BDP1: variants seen among roughly 807,000 people sequenced by gnomAD.
BDP1 encodes the protein transcription factor TFIIIB component B'' homolog.
Under a neutral mutation model 266.6 loss-of-function variants are expected in BDP1, and 169 were observed. That is an observed-to-expected ratio of 0.63 (90% CI 0.56 to 0.72). The LOEUF (loss-of-function observed/expected upper bound fraction) is 0.72. Ranked by LOEUF, BDP1 falls within the 30% of genes least tolerant of loss-of-function variation. The probability of loss-of-function intolerance (pLI) is 0.00; values close to 1 mark genes in which losing one functional copy is unlikely to be tolerated. For missense variants in BDP1, 3,015 were observed against 3,053.8 expected, an observed-to-expected ratio of 0.99 and a Z score of 0.30; for synonymous variants, 1,090 against 1,022.4, an observed-to-expected ratio of 1.07 and a Z score of -1.26.
At chr5:71,473,036 C>A (rs1762359251) in intron 7 of BDP1, among the ~76,000 whole-genome samples, 1 of 151,218 alleles carries the variant, frequency 6.6e-6, no homozygotes, top group Admixed American at 6.6e-5. Flanking sequence ...GCACGTGCCA[C>A]AATGCCCGGC....
intron 4 of BDP1, 58 bp from the exon 5 acceptor site, chr5:71,466,038 T>C: frequency 6.4e-7 from 1 of 1,554,344 alleles, no homozygotes; most frequent in Non-Finnish European, 8.7e-7. Flanking sequence ...TTAAGTTTTA[T>C]ACTATTTAGG....
In BDP1 at chr5:71,489,549, T is replaced by C. The variant is rs1432036152; in HGVS notation, c.1359T>C (p.Val453=). Residue 453 remains valine (V), a synonymous_variant, in exon 10 of 39, where the codon GTT becomes GTC. Coordinates refer to ENST00000358731, the MANE Select transcript of BDP1 (RefSeq NM_018429.3). The stretch of plus-strand genomic sequence containing the variant: ...TATCAAGGGAGGATGCAGAGCAGGT[T>C]GCATTAGAAGTAGACCTAAATCAAA... The part of the protein sequence containing the change: ...LTLSREDAEQ[V]ALEVDLNQKK... The C allele has an allele frequency of 6.2e-7, 1 of 1,614,112 alleles. No individual in the cohort carries two copies. The highest frequency in any genetic ancestry group is 8.5e-7 in the Non-Finnish European group (1 of 1,180,008).
chr5:71,554,891 A>G (rs1743109458), intron 35 of BDP1, among the ~76,000 whole-genome samples: 1 of 152,176 alleles, frequency 6.6e-6, no homozygotes, highest in Admixed American at 6.5e-5. Flanking sequence ...TTTGTATTAT[A>G]CTTAACAGTT....
Position 71,497,332 on chromosome 5 carries a change from C to G in BDP1, c.1862C>G (p.Pro621Arg). The part of the protein sequence containing the change: ...MLRGRFQRPK[P>R]NLSRAGKKSV... Reference sequence around the variant, plus strand: ...AGAGGTCGCTTCCAAAGACCTAAACCCAATTTGTCAAGGGCTGGGAAGAAA... The same window carrying G: ...AGAGGTCGCTTCCAAAGACCTAAACGCAATTTGTCAAGGGCTGGGAAGAAA... Residue 621 changes from proline to arginine, a missense_variant, in exon 13 of 39, where the codon CCC (proline) becomes CGC (arginine). Coordinates refer to ENST00000358731, the MANE Select transcript of BDP1 (RefSeq NM_018429.3). 2 of 1,613,692 alleles carry G rather than the reference C, an allele frequency of 1.2e-6. No homozygotes were observed. The highest frequency in any genetic ancestry group is 1.7e-6 in the Non-Finnish European group (2 of 1,179,852).
intron 33 of BDP1, 137 bp from the exon 34 acceptor site, chr5:71,549,283 T>G: frequency 2.8e-6 from 2 of 717,128 alleles, no homozygotes; most frequent in South Asian, 2.2e-5. Flanking sequence ...GCTGGGGGGT[T>G]GTTGGGGGGA....
intron 35 of BDP1, among the ~76,000 whole-genome samples, chr5:71,555,682 G>C (rs1343017405): frequency 6.6e-6 from 1 of 151,952 alleles, no homozygotes; most frequent in Non-Finnish European, 1.5e-5. Context: ...CAGATGATCC[G>C]CCTGCCTCGG....
intron 37 of BDP1, among the ~76,000 whole-genome samples, chr5:71,561,028 A>G (rs1202320569): frequency 2.6e-5 from 4 of 151,600 alleles, no homozygotes; most frequent in African/African-American, 9.7e-5. Context: ...GGAGTTTGAG[A>G]TTGCAGTGAG....
intron 7 of BDP1, among the ~76,000 whole-genome samples, chr5:71,482,072 G>A (rs911046717): frequency 5.9e-5 from 9 of 152,150 alleles, no homozygotes; most frequent in African/African-American, 2.2e-4. Context: ...GGTGTTTTAT[G>A]ACTTTTAGCA....
the BDP1 span, among the ~76,000 whole-genome samples, chr5:71,574,659 G>A: frequency 2.0e-5 from 3 of 152,234 alleles, no homozygotes; most frequent in Admixed American, 2.0e-4. Flanking sequence ...AGTCCCAGGA[G>A]TGATTGACTC....
chr5:71,499,164 A>G (rs892617427), intron 13 of BDP1, among the ~76,000 whole-genome samples: 1 of 152,080 alleles, frequency 6.6e-6, no homozygotes, highest in Non-Finnish European at 1.5e-5. Flanking sequence ...CGATGGCGTG[A>G]TCTCGGCTCA....
At chr5:71,482,296 C>G (rs538139105) in intron 7 of BDP1, among the ~76,000 whole-genome samples, 8 of 152,320 alleles carry the variant, frequency 5.3e-5, no homozygotes, top group African/African-American at 1.7e-4. Flanking sequence ...GCCTTCACCT[C>G]CCTTTCCTTG....
Position 71,566,045 on chromosome 5 carries a change from A to C in BDP1, c.*1160A>C, listed in dbSNP as rs1364545791. 1 of 212,432 alleles carries C rather than the reference A, an allele frequency of 4.7e-6. No individual in the cohort carries two copies. The highest frequency in any genetic ancestry group is 1.0e-5 in the Non-Finnish European group (1 of 96,704). 13.2% of individuals were successfully genotyped at this position (212,432 alleles called of 1,614,324 possible). A position where few individuals can be genotyped will look rare whatever the true frequency, so the allele number is the denominator to read the frequency against. ...TTTAATTTTAAAGATATTTAAAATG[A>C]TATAACTAAAAATGTTTAGCTGGTG... On this transcript the variant is annotated 3_prime_UTR_variant, in exon 39 of 39. Coordinates refer to ENST00000358731, the MANE Select transcript of BDP1 (RefSeq NM_018429.3).
intron 6 of BDP1, 115 bp from the exon 7 acceptor site, chr5:71,470,280 A>C: frequency 1.4e-6 from 1 of 739,008 alleles, no homozygotes; most frequent in Non-Finnish European, 2.3e-6. Flanking sequence ...GTTTTTAGGT[A>C]TTGCATGGGG....
chr5:71,558,835 A>C (rs530575000), intron 36 of BDP1, among the ~76,000 whole-genome samples: 4 of 148,956 alleles, frequency 2.7e-5, no homozygotes, highest in East Asian at 2.0e-4. Context: ...TCAAAAACAA[A>C]AAAAAAAAAC....
chr5:71,516,615 CAAT>C (rs1765236247), intron 21 of BDP1, among the ~76,000 whole-genome samples: 1 of 152,114 alleles, frequency 6.6e-6, no homozygotes. Context: ...CAAATTTAAA[CAAT>C]AAAGTCATTA....
At chr5:71,474,872 C>T (rs867196693) in intron 7 of BDP1, among the ~76,000 whole-genome samples, 4 of 151,578 alleles carry the variant, frequency 2.6e-5, no homozygotes, top group South Asian at 2.1e-4. Flanking sequence ...TATGATCCAC[C>T]CTCCTTGGCC....
chr5:71,514,170 C>T (rs777109440), intron 19 of BDP1, among the ~76,000 whole-genome samples: 5 of 151,954 alleles, frequency 3.3e-5, no homozygotes, highest in Admixed American at 6.6e-5. Context: ...AACATTGAAA[C>T]GAAATGAATA....
chr5:71,458,889 T>G, intron 2 of BDP1, 34 bp downstream of exon 2: 1 of 1,577,382 alleles, frequency 6.3e-7, no homozygotes, highest in South Asian at 1.2e-5. Context: ...TGATGTTGCC[T>G]TCTATTTATG....
intron 20 of BDP1, among the ~76,000 whole-genome samples, chr5:71,515,779 T>A (rs1239793514): frequency 6.6e-6 from 1 of 152,148 alleles, no homozygotes; most frequent in African/African-American, 2.4e-5. Flanking sequence ...ACCCATTAAA[T>A]ACTAACTCAT....
Sources: gnomAD v4.1 joint callset for allele counts (sites outside exome capture counted in the v4.1 genomes callset) on GRCh38, gnomAD v4.1.1 for gene constraint, MANE v1.5 for transcripts, NCBI Gene and HGNC (gene_info 2026-07-23, HGNC 2026-07-21) for gene names.